The following R3HCC1L variants were observed in gnomAD, a reference collection of about 807,000 sequenced individuals.
The protein encoded by R3HCC1L is R3H domain and coiled-coil containing 1 like.
R3HCC1L carries 51 observed loss-of-function variants against 59.9 expected under a neutral mutation model. The observed-to-expected ratio is 0.85, with a 90% CI of 0.68 to 1.07. The LOEUF is 1.07. R3HCC1L is among the 50% of genes least tolerant of loss of function. The probability of loss-of-function intolerance (pLI) is 0.00; values close to 1 mark genes in which losing one functional copy is unlikely to be tolerated. For synonymous variants in R3HCC1L, 322 were observed against 315.2 expected, an observed-to-expected ratio of 1.02 and a Z score of -0.23; for missense variants, 965 against 933.0, an observed-to-expected ratio of 1.03 and a Z score of -0.45.
chr10:98,227,416 T>C (rs1409807657), intron 5 of R3HCC1L, among the ~76,000 whole-genome samples: 1 of 152,176 alleles, frequency 6.6e-6, no homozygotes, highest in African/African-American at 2.4e-5. Flanking sequence ...ATTCCTGGCA[T>C]TGCAAGTTCT....
In R3HCC1L at chr10:98,244,406, A is replaced by G. The variant is rs370285934; in HGVS notation, c.*248A>G. On this transcript the variant is annotated 3_prime_UTR_variant, in exon 10 of 10. Coordinates refer to ENST00000298999, the MANE Select transcript of R3HCC1L (RefSeq NM_001351015.2). ...GCCATCAGCTAGGAAGAAACGTGGG[A>G]GATGTGAATTCCAAGAGTTGCCTGG... 649 of 371,328 alleles carry G rather than the reference A, an allele frequency of 1.7e-3. 15 individuals carry two copies. In the South Asian group the frequency reaches 0.023, roughly 13 times the overall value. 23.0% of individuals were successfully genotyped at this position (371,328 alleles called of 1,614,324 possible).
At chr10:98,161,367 C>T (rs976229865) in intron 2 of R3HCC1L, among the ~76,000 whole-genome samples, 1 of 151,964 alleles carries the variant, frequency 6.6e-6, no homozygotes, top group Non-Finnish European at 1.5e-5. Flanking sequence ...GGTTTTTGGT[C>T]CCCTCCCCTT....
intron 4 of R3HCC1L, among the ~76,000 whole-genome samples, chr10:98,205,011 G>A (rs72826281): frequency 0.03 from 4,642 of 152,234 alleles, 95 homozygotes; most frequent in Non-Finnish European, 0.043. Context: ...CATACTGGTG[G>A]ATTGGAGTGT....
chr10:98,196,869 A>G (rs1459774538), intron 4 of R3HCC1L, among the ~76,000 whole-genome samples: 1 of 151,838 alleles, frequency 6.6e-6, no homozygotes, highest in Non-Finnish European at 1.5e-5. Flanking sequence ...GCCATAACCT[A>G]CCAGCCACTA....
Position 98,219,243 on chromosome 10 carries a change from G to A in R3HCC1L, c.1785+9344G>A, listed in dbSNP as rs372407606. On this transcript the variant is annotated intron_variant, in intron 5 of 9. Coordinates refer to ENST00000298999, the MANE Select transcript of R3HCC1L (RefSeq NM_001351015.2). ...TTTTAAAGTTTTTGACTTAAAGTCT[G>A]TTTTATCTTACATAACTACCCCCGC... 3.5e-4 allele frequency among the ~76,000 whole-genome samples: 53 copies of A among 152,172 alleles called. 2 individuals are homozygous for A. The East Asian group carries it at 6.4e-3, about 18-fold the overall frequency.
At position 98,208,708 on chromosome 10, in the gene R3HCC1L, T is replaced by G. The variant is rs771372639; in HGVS notation, c.594T>G (p.Phe198Leu). ...GGCATGAACCTGATGGGGAAGCATT[T>G]GAAGACAAAGATTTGGAAGGCAGAA... ...FSRHEPDGEA[F>L]EDKDLEGRIE... Residue 198 changes from phenylalanine to leucine, a missense_variant, in exon 5 of 10, where the codon TTT (phenylalanine) becomes TTG (leucine). By Grantham distance (22) the Phe-to-Leu change is conservative (BLOSUM62 0). Coordinates refer to ENST00000298999, the MANE Select transcript of R3HCC1L (RefSeq NM_001351015.2). 1 of 1,614,172 alleles carries G rather than the reference T, an allele frequency of 6.2e-7. No homozygotes were observed. Among genetic ancestry groups the G allele is most frequent in the African/African-American group, 1.3e-5 (1 of 75,066 alleles).
At chr10:98,164,078 C>T (rs1030671457) in intron 4 of R3HCC1L, among the ~76,000 whole-genome samples, 10 of 152,034 alleles carry the variant, frequency 6.6e-5, no homozygotes, top group Non-Finnish European at 1.2e-4. Context: ...GATGGGCCAG[C>T]CGATGTGCAG....
chr10:98,142,752 T>G (rs1363846105), intron 1 of R3HCC1L, among the ~76,000 whole-genome samples: 1 of 151,972 alleles, frequency 6.6e-6, no homozygotes, highest in African/African-American at 2.4e-5. Flanking sequence ...CTGGCCAACA[T>G]GGCAAAACCC....
chr10:98,188,798 C>CA lies in R3HCC1L; in HGVS notation c.-14-19302dup, dbSNP rs147606376. Among the ~76,000 whole-genome samples, 1,500 of 152,254 alleles carry CA rather than the reference C, an allele frequency of 9.9e-3. 33 individuals are homozygous for CA. Among genetic ancestry groups the CA allele is most frequent in the African/African-American group, 0.034 (1,426 of 41,548 alleles). On this transcript the variant is annotated intron_variant, in intron 4 of 9. Transcript: ENST00000298999. Reference sequence around the variant, plus strand: ...CATTTATGAGCACAGACATTGGTCTCAGAGTATCTAGATTAGGATCTAGAT... The same window carrying CA: ...CATTTATGAGCACAGACATTGGTCTCAAGAGTATCTAGATTAGGATCTAGAT...
intron 9 of R3HCC1L, among the ~76,000 whole-genome samples, chr10:98,242,374 A>G (rs897596321): frequency 2.6e-5 from 4 of 152,190 alleles, no homozygotes; most frequent in African/African-American, 9.7e-5. Flanking sequence ...AGAATTCTGA[A>G]CTTTCCAGAT....
At chr10:98,192,343 TAAAG>T (rs1423627938) in intron 4 of R3HCC1L, among the ~76,000 whole-genome samples, 1 of 151,282 alleles carries the variant, frequency 6.6e-6, no homozygotes, top group East Asian at 1.9e-4. Flanking sequence ...TAGAAAAAAG[TAAAG>T]AAACTAAATA....
chr10:98,223,418 T>G (rs953539551), intron 5 of R3HCC1L, among the ~76,000 whole-genome samples: 2 of 152,080 alleles, frequency 1.3e-5, no homozygotes, highest in East Asian at 1.9e-4. Flanking sequence ...CTGTGTTCTT[T>G]TGGAGGTGTT....
intron 4 of R3HCC1L, among the ~76,000 whole-genome samples, chr10:98,173,213 G>A (rs1371718075): frequency 1.3e-5 from 2 of 152,150 alleles, no homozygotes; most frequent in East Asian, 3.9e-4. Context: ...GTTAGGCTCT[G>A]AATAATTGGT....
chr10:98,135,067 CCGTG>C (rs1336992357), intron 1 of R3HCC1L, among the ~76,000 whole-genome samples: 1 of 152,212 alleles, frequency 6.6e-6, no homozygotes, highest in East Asian at 1.9e-4. Flanking sequence ...GGCTGCGGGG[CCGTG>C]GGCCCCCAGG....
chr10:98,204,391 G>A (rs1000396891), intron 4 of R3HCC1L, among the ~76,000 whole-genome samples: 2 of 151,764 alleles, frequency 1.3e-5, no homozygotes, highest in Admixed American at 1.3e-4. Flanking sequence ...GGCAACAAGA[G>A]CAAAACTGTC....
chr10:98,236,113 C>T lies in R3HCC1L; in HGVS notation c.2218C>T (p.Gln740Ter). 5 of 1,613,912 alleles carry T rather than the reference C, an allele frequency of 3.1e-6. No individual in the cohort carries two copies. Among genetic ancestry groups the T allele is most frequent in the Non-Finnish European group, 4.2e-6 (5 of 1,179,908 alleles). ...CAGTGCCCTTGGGGTTCGAAGTAAGCAGAGCAAAACCGAACGAGAAGCAGA... is the reference window on the plus strand; with the variant it reads ...CAGTGCCCTTGGGGTTCGAAGTAAGTAGAGCAAAACCGAACGAGAAGCAGA... ...VISALGVRSKQSKTEREAELK... is the reference protein window; with the variant it reads ...VISALGVRSK The change falls in exon 9 of 10, where the codon CAG becomes TAG. Residue 740 changes from glutamine (Q) to a stop codon, truncating the protein, a stop_gained. Coordinates refer to ENST00000298999, the MANE Select transcript of R3HCC1L (RefSeq NM_001351015.2). LOFTEE classifies it high-confidence loss of function.
chr10:98,236,048 G>T lies in R3HCC1L; in HGVS notation c.2153G>T (p.Arg718Leu). ...YAEFLQPAKE[R>L]PETSAALARR... is the part of the protein sequence containing the mutation. ...GAGTTCCTCCAGCCAGCAAAGGAGC[G>T]TCCTGAGACTTCAGCAGCCCTAGCC... The change falls in exon 9 of 10, where the codon CGT becomes CTT. Residue 718 changes from arginine (R) to leucine (L), a missense_variant. Physicochemically the swap from Arg to Leu is moderately radical, Grantham distance 102. Transcript: ENST00000298999. The T allele has an allele frequency of 1.2e-6, 2 of 1,613,826 alleles. No individual in the cohort carries two copies. The highest frequency in any genetic ancestry group is 1.7e-5 in the Admixed American group (1 of 59,988).
intron 2 of R3HCC1L, among the ~76,000 whole-genome samples, chr10:98,162,333 A>AAGG (rs1332598669): frequency 2.0e-5 from 3 of 152,206 alleles, no homozygotes; most frequent in African/African-American, 7.2e-5. Flanking sequence ...TGCCTCATCA[A>AAGG]AGGTCTTTTG....
intron 4 of R3HCC1L, among the ~76,000 whole-genome samples, chr10:98,177,830 T>C (rs1212564226): frequency 6.6e-6 from 1 of 152,246 alleles, no homozygotes; most frequent in Non-Finnish European, 1.5e-5. Flanking sequence ...AAATGTCTTA[T>C]TTTGAAAAGC....
Sources: gnomAD v4.1 joint callset for allele counts (sites outside exome capture counted in the v4.1 genomes callset) on GRCh38, gnomAD v4.1.1 for gene constraint, MANE v1.5 for transcripts, NCBI Gene and HGNC (gene_info 2026-07-23, HGNC 2026-07-21) for gene names.